The following NALCN variants were observed in gnomAD, a reference collection of about 807,000 sequenced individuals.
NALCN encodes sodium leak channel, non-selective.
In NALCN, 111 loss-of-function variants were observed where a neutral mutation model predicts 225.3. The ratio of observed to expected loss-of-function variants is 0.49; its 90% CI spans 0.42 to 0.58. The LOEUF (loss-of-function observed/expected upper bound fraction) is 0.58, where lower values mean the gene tolerates loss of function less well. Among genes scored for constraint, NALCN ranks in the 20% least tolerant of loss-of-function variants. The pLI is 0.00. For missense variants in NALCN, 1,378 were observed against 2,202.4 expected (o/e 0.63, Z 7.49); for synonymous variants, 764 against 769.0 (o/e 0.99, Z 0.11).
intron 12 of NALCN, among the ~76,000 whole-genome samples, chr13:101,232,001 T>C (rs1206042569): frequency 2.7e-5 from 4 of 150,694 alleles, no homozygotes; most frequent in African/African-American, 9.7e-5. Context: ...CTATTTCTTT[T>C]TTTTTTTTTT....
chr13:101,303,931 C>T (rs533033828), intron 7 of NALCN, among the ~76,000 whole-genome samples: 1 of 152,262 alleles, frequency 6.6e-6, no homozygotes, highest in South Asian at 2.1e-4. Context: ...GAAACACTAG[C>T]TAAACTCTAA....
At chr13:101,342,949 T>C (rs1167866856) in intron 7 of NALCN, among the ~76,000 whole-genome samples, 1 of 152,218 alleles carries the variant, frequency 6.6e-6, no homozygotes, top group Non-Finnish European at 1.5e-5. Flanking sequence ...ATGTTTTGAA[T>C]GGTAATTTGA....
At chr13:101,151,170 C>T (rs749993992) in intron 15 of NALCN, among the ~76,000 whole-genome samples, 28 of 152,182 alleles carry the variant, frequency 1.8e-4, no homozygotes, top group Non-Finnish European at 2.9e-4. Flanking sequence ...CATTACACAT[C>T]GGGCGGCTGA....
intron 3 of NALCN, among the ~76,000 whole-genome samples, chr13:101,392,432 T>C (rs781186598): frequency 4.6e-5 from 7 of 152,274 alleles, no homozygotes; most frequent in Middle Eastern, 3.4e-3. Context: ...AAATTAAAAA[T>C]AAACATTTGA....
chr13:101,199,131 G>A (rs571651795), intron 13 of NALCN, among the ~76,000 whole-genome samples: 10 of 151,734 alleles, frequency 6.6e-5, no homozygotes, highest in African/African-American at 2.2e-4. Context: ...ACACACTGGG[G>A]CCTGTTGTGG....
rs1026212390 is a variant in NALCN, at chr13:101,398,952, T to C, written c.108+67A>G. ...TTTCGAAGCCAAAGGTACATGATAT[T>C]TGAATTTGTCAATCACATTTATCTC... is the stretch of plus-strand genomic sequence containing the variant. On this transcript the variant is annotated intron_variant, in intron 2 of 43. Transcript: ENST00000251127. The C allele has an allele frequency of 1.8e-5, 19 of 1,028,948 alleles. No individual in the cohort carries two copies. In the African/African-American group the frequency reaches 2.5e-4, roughly 14 times the overall value. 63.7% of individuals were successfully genotyped at this position (1,028,948 alleles called of 1,614,324 possible).
intron 7 of NALCN, among the ~76,000 whole-genome samples, chr13:101,302,460 G>A (rs1022709253): frequency 1.3e-5 from 2 of 152,158 alleles, no homozygotes; most frequent in Non-Finnish European, 2.9e-5. Context: ...TTAGGTCTAC[G>A]TGGGAGGGAA....
At chr13:101,288,685 T>G (rs2043432104) in intron 9 of NALCN, among the ~76,000 whole-genome samples, 1 of 152,232 alleles carries the variant, frequency 6.6e-6, no homozygotes, top group African/African-American at 2.4e-5. Flanking sequence ...ATTGCTGTCT[T>G]TGTGCAATCA....
At chr13:101,203,699 C>T (rs1203667488) in intron 13 of NALCN, among the ~76,000 whole-genome samples, 2 of 152,274 alleles carry the variant, frequency 1.3e-5, no homozygotes, top group East Asian at 1.9e-4. Context: ...TTGAAGTACA[C>T]GATACATATC....
intron 1 of NALCN, among the ~76,000 whole-genome samples, chr13:101,409,072 A>T (rs369815316): frequency 1.0e-3 from 157 of 152,252 alleles, no homozygotes; most frequent in African/African-American, 3.4e-3. Context: ...TTTATTTTTT[A>T]ATTGTGAAAA....
At chr13:101,302,086 C>T (rs751112862) in intron 7 of NALCN, among the ~76,000 whole-genome samples, 3 of 152,058 alleles carry the variant, frequency 2.0e-5, no homozygotes, top group Non-Finnish European at 4.4e-5. Flanking sequence ...GCTAGAAGTT[C>T]GCATAATGTT....
chr13:101,251,174 G>A (rs1734272133), intron 11 of NALCN, among the ~76,000 whole-genome samples: 1 of 152,084 alleles, frequency 6.6e-6, no homozygotes, highest in South Asian at 2.1e-4. Context: ...ATGTGGCACA[G>A]AAATTCTAAT....
intron 28 of NALCN, 91 bp downstream of exon 28, chr13:101,095,480 AACT>A: frequency 1.0e-6 from 1 of 969,072 alleles, no homozygotes; most frequent in Non-Finnish European, 1.5e-6. Flanking sequence ...TCTCTAGCAA[AACT>A]ACTTTTAGTT....
chr13:101,275,522 C>T (rs150300082), intron 10 of NALCN, among the ~76,000 whole-genome samples: 5 of 152,272 alleles, frequency 3.3e-5, no homozygotes, highest in Non-Finnish European at 5.9e-5. Flanking sequence ...CGTGTCCTGT[C>T]GCGTACCACT....
chr13:101,395,096 A>T, intron 3 of NALCN, 87 bp downstream of exon 3: 1 of 1,311,078 alleles, frequency 7.6e-7, no homozygotes, highest in Non-Finnish European at 1.0e-6. Context: ...GTTTTGTTTT[A>T]CTGAAATGAA....
At chr13:101,294,238 G>A (rs1385998134) in intron 7 of NALCN, among the ~76,000 whole-genome samples, 1 of 152,068 alleles carries the variant, frequency 6.6e-6, no homozygotes, top group East Asian at 1.9e-4. Flanking sequence ...TTAGATAGAA[G>A]GAATAAGTTG....
intron 10 of NALCN, among the ~76,000 whole-genome samples, chr13:101,272,075 G>T (rs947430747): frequency 6.6e-6 from 1 of 151,670 alleles, no homozygotes; most frequent in Admixed American, 6.6e-5. Context: ...AAGTGTGTAG[G>T]CATGTGTATG....
intron 10 of NALCN, among the ~76,000 whole-genome samples, chr13:101,279,771 C>T (rs1017381738): frequency 1.7e-3 from 257 of 149,444 alleles, no homozygotes; most frequent in Middle Eastern, 3.4e-3. Context: ...GAGCCGAGAT[C>T]CCGCCACTGC....
Position 101,089,007 on chromosome 13 carries a change from C to T in NALCN, c.3489+656G>A, listed in dbSNP as rs575451434. 1.6e-4 allele frequency among the ~76,000 whole-genome samples: 24 copies of T among 151,598 alleles called. No homozygotes were observed. Among genetic ancestry groups the T allele is most frequent in the African/African-American group, 5.8e-4 (24 of 41,272 alleles). ...CTGCCTTCTAGGTTCAAACGATTCT[C>T]ATGCCTCAGCCAACCCAGTAGCTGG... is the stretch of plus-strand genomic sequence containing the variant. On this transcript the variant is annotated intron_variant, in intron 30 of 43. Coordinates refer to ENST00000251127, the MANE Select transcript of NALCN (RefSeq NM_052867.4). This position sits in a 1 kb window ranked among gnomAD's most constrained non-coding sequence, Gnocchi z 4.7.
Sources: gnomAD v4.1 joint callset for allele counts (sites outside exome capture counted in the v4.1 genomes callset) on GRCh38, gnomAD v4.1.1 for gene constraint, Gnocchi (gnomAD v3.1) non-coding constraint, MANE v1.5 for transcripts, NCBI Gene and HGNC (gene_info 2026-07-23, HGNC 2026-07-21) for gene names.